The following NCOA2 variants were observed in gnomAD, a reference collection of about 807,000 sequenced individuals.
NCOA2 encodes class E basic helix-loop-helix protein 75.
A neutral mutation model predicts 145.1 loss-of-function variants in NCOA2; 21 were observed. That is an observed-to-expected ratio of 0.14 (90% CI 0.10 to 0.21). NCOA2 has a LOEUF of 0.21. Ranked by LOEUF, NCOA2 falls within the 10% of genes least tolerant of loss-of-function variation. The pLI, the probability that NCOA2 is intolerant of heterozygous loss-of-function variation, is 1.00. For synonymous variants in NCOA2, 619 were observed against 637.5 expected (o/e 0.97, Z 0.44); for missense variants, 1,472 against 1,837.6 (o/e 0.80, Z 3.64).
chr8:70,128,840 G>T lies in NCOA2; in HGVS notation c.3465C>A (p.Asn1155Lys). The change falls in exon 17 of 23, where the codon AAC becomes AAA. Residue 1155 changes from asparagine (N) to lysine (K), a missense_variant. Asn to Lys is a moderately conservative substitution (Grantham distance 94, BLOSUM62 0). This residue lies in a region of NCOA2 where 953 missense variants were observed against 1,062.1 expected (regional missense o/e 0.90). Transcript: ENST00000452400. ...TAGGCCGCTGTCCCATGGTGTGAAA[G>T]TTTGGATCTTGCATGGGAGAATAGC... ...QGSYSPMQDPNFHTMGQRPSY... is the reference protein window; with the variant it reads ...QGSYSPMQDPKFHTMGQRPSY... 1 of 1,614,050 alleles carries T rather than the reference G, an allele frequency of 6.2e-7. No individual in the cohort carries two copies. Among genetic ancestry groups the T allele is most frequent in the Non-Finnish European group, 8.5e-7 (1 of 1,179,904 alleles).
At chr8:70,278,021 T>C (rs1337074909) in intron 2 of NCOA2, among the ~76,000 whole-genome samples, 2 of 152,202 alleles carry the variant, frequency 1.3e-5, no homozygotes, top group East Asian at 1.9e-4. Flanking sequence ...ATTAACACTA[T>C]AAAAAGAAAC....
At chr8:70,373,632 A>T (rs1042610598) in intron 1 of NCOA2, among the ~76,000 whole-genome samples, 1 of 152,118 alleles carries the variant, frequency 6.6e-6, no homozygotes, top group African/African-American at 2.4e-5. Flanking sequence ...AGTTGATATT[A>T]TCTTGTGCTA....
intron 1 of NCOA2, among the ~76,000 whole-genome samples, chr8:70,361,097 A>G (rs979757389): frequency 6.6e-6 from 1 of 152,238 alleles, no homozygotes; most frequent in Non-Finnish European, 1.5e-5. Flanking sequence ...ACCATTGCTA[A>G]TAACTTTGCA....
intron 15 of NCOA2, among the ~76,000 whole-genome samples, chr8:70,136,220 A>G (rs1809715806): frequency 6.6e-6 from 1 of 152,066 alleles, no homozygotes; most frequent in African/African-American, 2.4e-5. Context: ...CTATAAATAC[A>G]AAAATTAGCT....
At chr8:70,276,013 T>C (rs914341857) in intron 2 of NCOA2, among the ~76,000 whole-genome samples, 2 of 152,206 alleles carry the variant, frequency 1.3e-5, no homozygotes, top group Non-Finnish European at 2.9e-5. Flanking sequence ...TGAAAACATC[T>C]AGAATTGTTC....
intron 2 of NCOA2, among the ~76,000 whole-genome samples, chr8:70,242,946 A>C (rs1822268520): frequency 6.6e-6 from 1 of 152,182 alleles, no homozygotes; most frequent in Middle Eastern, 3.4e-3. Flanking sequence ...TGGAATTCTG[A>C]AGTGTAGCAG....
rs1300376831 is a variant in NCOA2 at position 70,113,629 on chromosome 8, G to C, written c.*3C>G. ...GCTGAAGAAGCAACTGGCTTCAGCA[G>C]TGTCAGCAATATTTCTGTAGGAAAA... On this transcript the variant is annotated 3_prime_UTR_variant, in exon 23 of 23. Transcript: ENST00000452400. The C allele has an allele frequency of 2.6e-6, 4 of 1,552,062 alleles. No homozygotes were observed. In the Admixed American group the frequency reaches 7.8e-5, roughly 30 times the overall value.
rs1484213304 is a variant in NCOA2, at chr8:70,143,300, GGAC to G, written c.2812+1339_2812+1341del. Among the ~76,000 whole-genome samples, 12 of 152,082 alleles carry G rather than the reference GGAC, an allele frequency of 7.9e-5. No homozygotes were observed. In the East Asian group the frequency reaches 1.5e-3, roughly 20 times the overall value. ...GAGTATTGTATGATCTTCACAGGCTGGACACCAGTGCTCTCTTGGCTGCTCGGA... is the reference window on the plus strand; with the variant it reads ...GAGTATTGTATGATCTTCACAGGCTGACCAGTGCTCTCTTGGCTGCTCGGA... On this transcript the variant is annotated intron_variant, in intron 13 of 22. Transcript: ENST00000452400.
chr8:70,336,341 T>C (rs1189030943), intron 1 of NCOA2, among the ~76,000 whole-genome samples: 1 of 152,228 alleles, frequency 6.6e-6, no homozygotes, highest in Non-Finnish European at 1.5e-5. Flanking sequence ...TCTGTCCTTC[T>C]GTGACTGGCT....
In NCOA2 at chr8:70,124,845, G is replaced by A. The variant is rs762044065; in HGVS notation, c.3937C>T (p.Pro1313Ser). 1 of 1,597,334 alleles carries A rather than the reference G, an allele frequency of 6.3e-7. No homozygotes were observed. The highest frequency in any genetic ancestry group is 8.5e-7 in the Non-Finnish European group (1 of 1,175,034). The change falls in exon 20 of 23, where the codon CCA becomes TCA. Residue 1313 changes from proline (P) to serine (S), a missense_variant. Physicochemically the swap from Pro to Ser is moderately conservative, Grantham distance 74. Around this residue, in one of 4 missense-constraint regions of NCOA2, gnomAD observed 232 missense variants for 290.6 expected, o/e 0.80. Coordinates refer to ENST00000452400, the MANE Select transcript of NCOA2 (RefSeq NM_006540.4). ...PNYGISQQPD[P>S]GFTGATTPQS... ...GGAGTCGTAGCCCCAGTAAAGCCTG[G>A]ATCAGGTTGCTGACTTATTCCTTAA...
intron 12 of NCOA2, among the ~76,000 whole-genome samples, chr8:70,147,132 G>GCGCA (rs1811180194): frequency 6.7e-6 from 1 of 149,708 alleles, no homozygotes; most frequent in African/African-American, 2.5e-5. Flanking sequence ...GCGCGCGTGT[G>GCGCA]TGTGTGTGTG....
rs553982909 is a variant in NCOA2 at position 70,126,460 on chromosome 8, C to T, written c.3916+353G>A. 8 of 244,746 alleles carry T rather than the reference C, an allele frequency of 3.3e-5. No homozygotes were observed. The South Asian group carries it at 1.1e-3, about 33-fold the overall frequency. The allele number at this position is 244,746 out of a possible 1,614,324, so 15.2% of individuals were successfully genotyped here. A position where few individuals can be genotyped will look rare whatever the true frequency, so the allele number is the denominator to read the frequency against. ...TGTTTGAGTCAGACTCAGAGGCTTT[C>T]AAATATATAAACATATATGAACTTG... On this transcript the variant is annotated intron_variant, in intron 19 of 22. Transcript: ENST00000452400.
the NCOA2 span, among the ~76,000 whole-genome samples, chr8:70,427,172 A>T: frequency 1.3e-5 from 2 of 152,188 alleles, no homozygotes. Flanking sequence ...CCAAATTGTA[A>T]TTCTCAATTA....
chr8:70,265,897 G>A (rs1407557603), intron 2 of NCOA2, among the ~76,000 whole-genome samples: 1 of 152,120 alleles, frequency 6.6e-6, no homozygotes, highest in Non-Finnish European at 1.5e-5. Context: ...TGTAATCCCA[G>A]CACTTTGGGA....
the NCOA2 span, among the ~76,000 whole-genome samples, chr8:70,422,051 C>A: frequency 6.6e-6 from 1 of 151,406 alleles, no homozygotes; most frequent in African/African-American, 2.4e-5. Context: ...GCTGAGATTG[C>A]GCCATTACAC....
At chr8:70,186,467 G>A (rs1816080573) in intron 4 of NCOA2, among the ~76,000 whole-genome samples, 1 of 152,116 alleles carries the variant, frequency 6.6e-6, no homozygotes, top group Non-Finnish European at 1.5e-5. Context: ...ACTGCAGAGG[G>A]CAAGGTGCTG....
intron 2 of NCOA2, among the ~76,000 whole-genome samples, chr8:70,295,022 T>C (rs1826982761): frequency 1.3e-5 from 2 of 151,748 alleles, no homozygotes; most frequent in South Asian, 4.2e-4. Context: ...AAATGAAAAA[T>C]CCTGATGGCA....
intron 17 of NCOA2, 47 bp downstream of exon 17, chr8:70,128,655 C>T (rs1405796496): frequency 1.2e-6 from 2 of 1,603,618 alleles, no homozygotes; most frequent in Non-Finnish European, 1.7e-6. Context: ...TTCCCCATGT[C>T]CTCCACCCAG....
intron 10 of NCOA2, among the ~76,000 whole-genome samples, chr8:70,159,229 T>TAC (rs1248590107): frequency 1.3e-5 from 1 of 74,968 alleles, no homozygotes; most frequent in Non-Finnish European, 2.5e-5. Context: ...ACATTATATA[T>TAC]ATATATATAT....
Sources: gnomAD v4.1 joint callset for allele counts (sites outside exome capture counted in the v4.1 genomes callset) on GRCh38, gnomAD v4.1.1 for gene constraint, gnomAD v4.1.1 regional missense constraint, MANE v1.5 for transcripts, NCBI Gene and HGNC (gene_info 2026-07-23, HGNC 2026-07-21) for gene names.